CAMTA1: variants seen among roughly 807,000 people sequenced by gnomAD.
CAMTA1 encodes the protein calmodulin-binding transcription activator 1.
A neutral mutation model predicts 170.9 loss-of-function variants in CAMTA1; 27 were observed. The ratio of observed to expected loss-of-function variants is 0.16; its 90% confidence interval spans 0.12 to 0.22. The LOEUF is 0.22. Ranked by LOEUF, CAMTA1 falls within the 10% of genes least tolerant of loss-of-function variation. The pLI, the probability that CAMTA1 is intolerant of heterozygous loss-of-function variation, is 1.00. For missense variants in CAMTA1, 1,619 were observed against 2,217.2 expected, an observed-to-expected ratio of 0.73 and a Z score of 5.42; for synonymous variants, 833 against 891.5, an observed-to-expected ratio of 0.93 and a Z score of 1.17.
intron 6 of CAMTA1, among the ~76,000 whole-genome samples, chr1:7,541,689 C>T (rs897640897): frequency 2.6e-5 from 4 of 152,212 alleles, no homozygotes; most frequent in Non-Finnish European, 4.4e-5. Context: ...TACACGGGCG[C>T]GTTCCCCCAA....
chr1:7,428,585 C>T (rs2091989727), intron 5 of CAMTA1, among the ~76,000 whole-genome samples: 1 of 152,154 alleles, frequency 6.6e-6, no homozygotes, highest in Admixed American at 6.5e-5. Flanking sequence ...CACTGCCTCC[C>T]AGCAGCGTCC....
intron 5 of CAMTA1, among the ~76,000 whole-genome samples, chr1:7,416,417 C>T (rs970685869): frequency 1.3e-5 from 2 of 152,216 alleles, no homozygotes; most frequent in African/African-American, 4.8e-5. Flanking sequence ...TAGATTTGGT[C>T]TTTTCACATA....
intron 6 of CAMTA1, among the ~76,000 whole-genome samples, chr1:7,587,849 A>G (rs1172508277): frequency 2.6e-5 from 4 of 152,060 alleles, no homozygotes; most frequent in African/African-American, 9.7e-5. Context: ...AGAAGCCCCC[A>G]GAGAGAGCAG....
chr1:7,554,668 C>T lies in CAMTA1; in HGVS notation c.511-85732C>T, dbSNP rs561518577. On this transcript the variant is annotated intron_variant, in intron 6 of 22. Transcript: ENST00000303635. Reference sequence around the variant, plus strand: ...TGCCATTTTCAGCCTCACACAAACACTGACGATGTCCCTCCCACCCTCTCC... The same window carrying T: ...TGCCATTTTCAGCCTCACACAAACATTGACGATGTCCCTCCCACCCTCTCC... Among the ~76,000 whole-genome samples the T allele has an allele frequency of 2.3e-3, 344 of 152,310 alleles. 1 individual carries two copies. Among genetic ancestry groups the T allele is most frequent in the Non-Finnish European group, 3.3e-3 (226 of 68,030 alleles).
At chr1:7,626,597 G>A (rs1253802576) in intron 6 of CAMTA1, among the ~76,000 whole-genome samples, 1 of 152,226 alleles carries the variant, frequency 6.6e-6, no homozygotes, top group African/African-American at 2.4e-5. Flanking sequence ...TCTCTGCAAA[G>A]CGAGGGAGGT....
intron 3 of CAMTA1, among the ~76,000 whole-genome samples, chr1:6,853,976 A>T (rs866143383): frequency 3.5e-4 from 53 of 152,344 alleles, no homozygotes; most frequent in South Asian, 1.0e-3. Flanking sequence ...AAGTTTTAAT[A>T]TACCGTCTTC....
intron 5 of CAMTA1, among the ~76,000 whole-genome samples, chr1:7,355,539 A>T (rs1033891794): frequency 1.3e-5 from 2 of 152,154 alleles, no homozygotes; most frequent in African/African-American, 2.4e-5. Flanking sequence ...TACCCCCAAA[A>T]TATAGCTCAA....
chr1:7,765,628 A>T (rs2150334011), intron 22 of CAMTA1, among the ~76,000 whole-genome samples: 1 of 152,254 alleles, frequency 6.6e-6, no homozygotes, highest in South Asian at 2.1e-4. Flanking sequence ...TCTCCACAAA[A>T]CCTGTGTGAA....
At chr1:7,444,751 G>T (rs1019142509) in intron 5 of CAMTA1, among the ~76,000 whole-genome samples, 1 of 152,208 alleles carries the variant, frequency 6.6e-6, no homozygotes, top group Admixed American at 6.5e-5. Context: ...GCACCTAAAA[G>T]GTGAATACCA....
At chr1:7,720,633 A>G (rs75567805) in intron 11 of CAMTA1, among the ~76,000 whole-genome samples, 21,711 of 152,208 alleles carry the variant, frequency 0.14, 1,766 homozygotes, top group East Asian at 0.22. Context: ...TGCCTGCCTC[A>G]GCCTCCTAAA....
chr1:6,853,501 A>G (rs1044206262), intron 3 of CAMTA1, among the ~76,000 whole-genome samples: 7 of 152,230 alleles, frequency 4.6e-5, no homozygotes, highest in African/African-American at 1.4e-4. Context: ...TTAATCTGAA[A>G]GAAGGCAAGA....
At chr1:7,315,964 G>T (rs944319434) in intron 5 of CAMTA1, among the ~76,000 whole-genome samples, 5 of 152,230 alleles carry the variant, frequency 3.3e-5, no homozygotes, top group African/African-American at 9.6e-5. Context: ...TATGGCTGGG[G>T]AGGCCTCAGG....
intron 6 of CAMTA1, among the ~76,000 whole-genome samples, chr1:7,601,917 A>G: frequency 6.6e-6 from 1 of 150,756 alleles, no homozygotes; most frequent in Non-Finnish European, 1.5e-5. Flanking sequence ...GCTCGGCATC[A>G]GGAGGAGACC....
At chr1:7,285,810 T>C (rs534480596) in intron 5 of CAMTA1, among the ~76,000 whole-genome samples, 36 of 152,312 alleles carry the variant, frequency 2.4e-4, no homozygotes, top group African/African-American at 8.2e-4. Flanking sequence ...TGGCAGCCAC[T>C]ATGATTAGGT....
At chr1:7,307,527 G>T (rs1174983507) in intron 5 of CAMTA1, among the ~76,000 whole-genome samples, 3 of 151,970 alleles carry the variant, frequency 2.0e-5, no homozygotes, top group Non-Finnish European at 4.4e-5. Context: ...ATATTAGAGG[G>T]AAAACATTCA....
intron 3 of CAMTA1, among the ~76,000 whole-genome samples, chr1:6,927,904 T>C (rs1683633169): frequency 6.6e-6 from 1 of 152,210 alleles, no homozygotes; most frequent in Non-Finnish European, 1.5e-5. Flanking sequence ...CCAATAGGCC[T>C]GAGGCTCTCA....
intron 11 of CAMTA1, among the ~76,000 whole-genome samples, chr1:7,729,505 T>C (rs1343199260): frequency 6.6e-6 from 1 of 152,260 alleles, no homozygotes; most frequent in Non-Finnish European, 1.5e-5. Flanking sequence ...AAGTGAGGAC[T>C]GAACTGCTGA....
At chr1:6,807,092 C>A in intron 1 of CAMTA1, 1 of 622,588 alleles carries the variant, frequency 1.6e-6, no homozygotes, top group Non-Finnish European at 2.9e-6. Flanking sequence ...TGTGAAGGTG[C>A]GTGCAATATG....
At chr1:7,226,455 C>T (rs1053391297) in intron 4 of CAMTA1, among the ~76,000 whole-genome samples, 3 of 152,166 alleles carry the variant, frequency 2.0e-5, no homozygotes, top group African/African-American at 7.2e-5. Context: ...TTTAAATTAA[C>T]ATCTTTCTCT....
Sources: gnomAD v4.1 joint callset for allele counts (sites outside exome capture counted in the v4.1 genomes callset) on GRCh38, gnomAD v4.1.1 for gene constraint, MANE v1.5 for transcripts, NCBI Gene and HGNC (gene_info 2026-07-23, HGNC 2026-07-21) for gene names.